Variants in CLIP1 observed in about 807,000 individuals in gnomAD.
CLIP1 encodes the protein CAP-Gly domain-containing linker protein 1.
A neutral mutation model predicts 161.6 loss-of-function variants in CLIP1; 66 were observed. That is an observed-to-expected ratio of 0.41 (90% CI 0.33 to 0.50). The LOEUF (loss-of-function observed/expected upper bound fraction) is 0.50, where lower values mean the gene tolerates loss of function less well. CLIP1 is among the 20% of genes least tolerant of loss of function. The probability of loss-of-function intolerance (pLI) is 0.27; values close to 1 mark genes in which losing one functional copy is unlikely to be tolerated. For missense variants in CLIP1, 1,376 were observed against 1,702.0 expected (o/e 0.81, Z 3.37); for synonymous variants, 598 against 626.2 (o/e 0.96, Z 0.67).
intron 20 of CLIP1, among the ~76,000 whole-genome samples, chr12:122,308,813 T>A (rs978269453): frequency 2.6e-5 from 4 of 152,160 alleles, no homozygotes; most frequent in Non-Finnish European, 4.4e-5. Context: ...AAAGCAACAA[T>A]GAAGATTTTA....
At chr12:122,353,749 G>A (rs1257693503) in intron 7 of CLIP1, among the ~76,000 whole-genome samples, 6 of 151,862 alleles carry the variant, frequency 4.0e-5, no homozygotes, top group Admixed American at 3.9e-4. Context: ...TCCTGCCTCA[G>A]CCTCCCAAGT....
chr12:122,278,311 C>G, intron 23 of CLIP1, 108 bp from the exon 24 acceptor site: 1 of 1,015,310 alleles, frequency 9.8e-7, no homozygotes, highest in South Asian at 1.4e-5. Flanking sequence ...AACTCATTTT[C>G]CTGTGGACTT....
At position 122,274,063 on chromosome 12, in the gene CLIP1, C is replaced by T. The variant is rs201297279; in HGVS notation, c.4066G>A (p.Gly1356Arg). 1.6e-4 allele frequency: 258 copies of T among 1,613,820 alleles called. No homozygotes were observed. The highest frequency in any genetic ancestry group is 3.3e-4 in the Middle Eastern group (2 of 6,062). The change falls in exon 25 of 26, where the codon GGG (glycine) becomes AGG (arginine). Residue 1356 changes from glycine to arginine, a missense_variant. By Grantham distance (125) the Gly-to-Arg change is moderately radical (BLOSUM62 -2). This residue lies in a region of CLIP1 where 948 missense variants were observed against 1,134.8 expected (regional missense o/e 0.84). Transcript: ENST00000620786. ...CTGTCATAATTGTTTAGGTCATCCC[C>T]GTTCCCATTCAGGGCTGCTTCTGAC... ...MMSEAALNGN[G>R]DDLNNYDSDD...
intron 20 of CLIP1, among the ~76,000 whole-genome samples, chr12:122,307,371 G>A (rs563563358): frequency 6.6e-6 from 1 of 152,188 alleles, no homozygotes; most frequent in East Asian, 1.9e-4. Flanking sequence ...GGTAGGTTGT[G>A]ATGATTCCAT....
At chr12:122,345,946 C>T (rs1340576627) in intron 10 of CLIP1, among the ~76,000 whole-genome samples, 1 of 151,936 alleles carries the variant, frequency 6.6e-6, no homozygotes, top group Non-Finnish European at 1.5e-5. Context: ...TCACCACGCC[C>T]GGATAATTTT....
intron 20 of CLIP1, among the ~76,000 whole-genome samples, chr12:122,305,422 C>T (rs1950827790): frequency 2.0e-5 from 3 of 152,216 alleles, no homozygotes; most frequent in Non-Finnish European, 4.4e-5. Context: ...CAAAGTGAGA[C>T]TCTGTCTCTT....
chr12:122,401,355 C>T (rs951412275), intron 1 of CLIP1, among the ~76,000 whole-genome samples: 3 of 152,118 alleles, frequency 2.0e-5, no homozygotes, highest in African/African-American at 7.2e-5. Context: ...GAGACCTCAT[C>T]TCTAATTATT....
chr12:122,274,049 G>C lies in CLIP1; in HGVS notation c.4080C>G (p.Asn1360Lys), dbSNP rs1749763901. Residue 1360 changes from asparagine (N) to lysine (K), a missense_variant, in exon 25 of 26, where the codon AAC (asparagine) becomes AAG (lysine). By Grantham distance (94) the Asn-to-Lys change is moderately conservative. Transcript: ENST00000620786. ...AALNGNGDDLNNYDSDDQEKQ... is the reference protein window; with the variant it reads ...AALNGNGDDLKNYDSDDQEKQ... ...TTCATATGAAATACCTGTCATAATT[G>C]TTTAGGTCATCCCCGTTCCCATTCA... The C allele has an allele frequency of 6.2e-7, 1 of 1,613,596 alleles. No homozygotes were observed. The highest frequency in any genetic ancestry group is 1.3e-5 in the African/African-American group (1 of 74,964).
Position 122,309,797 on chromosome 12 carries a change from C to CCAGCTCCT in CLIP1, c.3551_3558dup (p.Gly1187ArgfsTer28). 6.2e-7 allele frequency: 1 copy of CCAGCTCCT among 1,613,252 alleles called. No individual in the cohort carries two copies. Among genetic ancestry groups the CCAGCTCCT allele is most frequent in the Non-Finnish European group, 8.5e-7 (1 of 1,180,026 alleles). On this transcript the variant is annotated frameshift_variant, in exon 20 of 26. Coordinates refer to ENST00000620786, the MANE Select transcript of CLIP1 (RefSeq NM_001247997.2). LOFTEE classifies it high-confidence loss of function. ...CTTGTGACTTCGTCCCTGCTTCTCC[C>CCAGCTCCT]CAGCTCCTCAGCAAGTTTAACGTTC...
At chr12:122,331,261 C>A (rs1380020251) in intron 15 of CLIP1, among the ~76,000 whole-genome samples, 1 of 152,080 alleles carries the variant, frequency 6.6e-6, no homozygotes, top group African/African-American at 2.4e-5. Context: ...GATCCGCCTA[C>A]CTCGGCCTCC....
At chr12:122,396,357 AG>A (rs1486204645) in intron 1 of CLIP1, among the ~76,000 whole-genome samples, 2 of 152,208 alleles carry the variant, frequency 1.3e-5, no homozygotes, top group Admixed American at 6.5e-5. Context: ...CAAAATGGCC[AG>A]GCTGTTGTTT....
Position 122,327,992 on chromosome 12 carries a change from C to T in CLIP1, c.3204G>A (p.Leu1068=), listed in dbSNP as rs1402273382. The change falls in exon 17 of 26, where the codon TTG becomes TTA. Residue 1068 remains leucine, a synonymous_variant. Coordinates refer to ENST00000620786, the MANE Select transcript of CLIP1 (RefSeq NM_001247997.2). ...TTCTCAGCTCCTCCAGCTCCTGCAG[C>T]AAGCCACTGTTCTCCTCCCGTGCGC... The part of the protein sequence containing the change: ...LKGAREENSG[L]LQELEELRKQ... 1 of 1,614,164 alleles carries T rather than the reference C, an allele frequency of 6.2e-7. No homozygotes were observed. Among genetic ancestry groups the T allele is most frequent in the South Asian group, 1.1e-5 (1 of 91,080 alleles).
chr12:122,420,936 T>C (rs927563805), intron 1 of CLIP1, among the ~76,000 whole-genome samples: 3 of 151,058 alleles, frequency 2.0e-5, no homozygotes, highest in African/African-American at 7.3e-5. Context: ...CTCCCTCTCA[T>C]TGATTGATTG....
chr12:122,401,202 C>T (rs371019538), intron 1 of CLIP1, among the ~76,000 whole-genome samples: 60 of 152,216 alleles, frequency 3.9e-4, no homozygotes, highest in East Asian at 1.5e-3. Flanking sequence ...TGAGCCACCA[C>T]GACTGGCCTG....
At chr12:122,278,299 A>C in intron 23 of CLIP1, 96 bp from the exon 24 acceptor site, 1 of 1,159,100 alleles carries the variant, frequency 8.6e-7, no homozygotes, top group Non-Finnish European at 1.2e-6. Context: ...GCCTGTGTTC[A>C]AAACTCATTT....
chr12:122,361,162 T>G lies in CLIP1; in HGVS notation c.802A>C (p.Lys268Gln). ...TGGACAGGAGCGAACAAGCCATATTTGGGTTGACACTGAAAATACCTTTAG... is the reference window on the plus strand; with the variant it reads ...TGGACAGGAGCGAACAAGCCATATTGGGGTTGACACTGAAAATACCTTTAG... Reference protein sequence around the residue: ...AGTRYFQCQPKYGLFAPVHKV... With the variant: ...AGTRYFQCQPQYGLFAPVHKV... The change falls in exon 5 of 26, where the codon AAA becomes CAA. Residue 268 changes from lysine to glutamine, a missense_variant. Lys to Gln is a moderately conservative substitution (Grantham distance 53). Transcript: ENST00000620786. 1 of 1,613,898 alleles carries G rather than the reference T, an allele frequency of 6.2e-7. No homozygotes were observed. Among genetic ancestry groups the G allele is most frequent in the Non-Finnish European group, 8.5e-7 (1 of 1,179,854 alleles).
intron 17 of CLIP1, among the ~76,000 whole-genome samples, chr12:122,326,039 G>C (rs935389247): frequency 3.3e-5 from 5 of 152,204 alleles, no homozygotes; most frequent in African/African-American, 7.2e-5. Flanking sequence ...TAAAAGTAGG[G>C]AATAGGAGGC....
Position 122,319,325 on chromosome 12 carries a change from GGCATCTTCC to G in CLIP1, c.3264_3272del (p.Glu1089_Ala1091del). 1 of 1,613,870 alleles carries G rather than the reference GGCATCTTCC, an allele frequency of 6.2e-7. No individual in the cohort carries two copies. Among genetic ancestry groups the G allele is most frequent in the Non-Finnish European group, 8.5e-7 (1 of 1,179,732 alleles). ...TGGTCATCTGTTCCATTATCTGCAT[GGCATCTTCC>G]GCTGTTTGAGCAGCCTAAATACAAG... is the stretch of plus-strand genomic sequence containing the variant. On this transcript the variant is annotated inframe_deletion, in exon 18 of 26. Transcript: ENST00000620786.
intron 20 of CLIP1, among the ~76,000 whole-genome samples, chr12:122,296,036 G>A (rs1264298513): frequency 1.3e-5 from 2 of 152,158 alleles, no homozygotes; most frequent in Admixed American, 6.5e-5. Context: ...GTTAGATCAT[G>A]TTATTTTAAA....
Sources: allele counts gnomAD v4.1 joint callset (sites outside exome capture counted in the v4.1 genomes callset), GRCh38; gene constraint gnomAD v4.1.1; regional missense constraint gnomAD v4.1.1; transcripts MANE v1.5; gene names NCBI Gene and HGNC (gene_info 2026-07-23, HGNC 2026-07-21).